Variants in CNTRL observed in about 807,000 individuals in gnomAD.
CNTRL encodes the protein 110 kDa centrosomal protein.
Under a neutral mutation model 303.7 loss-of-function variants are expected in CNTRL, and 233 were observed. The ratio of observed to expected loss-of-function variants is 0.77; its 90% confidence interval spans 0.69 to 0.86. CNTRL has a LOEUF of 0.86. Among genes scored for constraint, CNTRL ranks in the 40% least tolerant of loss-of-function variants. The pLI, the probability that CNTRL is intolerant of heterozygous loss-of-function variation, is 0.00. For missense variants in CNTRL, 2,524 were observed against 2,650.6 expected (o/e 0.95, Z 1.05); for synonymous variants, 900 against 922.2 (o/e 0.98, Z 0.44).
intron 1 of CNTRL, 52 bp downstream of exon 1, chr9:121,075,119 G>A (rs1588017417): frequency 2.8e-6 from 1 of 357,540 alleles, no homozygotes; most frequent in Admixed American, 3.6e-5. Context: ...CCCGAGCAGT[G>A]GGGGCCGGCG....
intron 2 of CNTRL, among the ~76,000 whole-genome samples, chr9:121,086,138 G>C (rs889589684): frequency 6.6e-6 from 1 of 152,060 alleles, no homozygotes; most frequent in Non-Finnish European, 1.5e-5. Flanking sequence ...ACGATGGAGA[G>C]GGATGACTGG....
intron 14 of CNTRL, among the ~76,000 whole-genome samples, chr9:121,126,729 A>C (rs1356013920): frequency 6.6e-6 from 1 of 151,992 alleles, no homozygotes; most frequent in African/African-American, 2.4e-5. Context: ...AATATATAGT[A>C]TTTTCCTTGA....
At position 121,154,936 on chromosome 9, in the gene CNTRL, G is replaced by A. The variant is rs753712547; in HGVS notation, c.4365+23G>A. On this transcript the variant is annotated intron_variant, in intron 27 of 43. Coordinates refer to ENST00000373855, the MANE Select transcript of CNTRL (RefSeq NM_007018.6). ...AAGGTTTGTCTTCTTGTGGTTTGGGGTGTGAGCTCAGTGTGGGTGAGTCAG... is the reference window on the plus strand; with the variant it reads ...AAGGTTTGTCTTCTTGTGGTTTGGGATGTGAGCTCAGTGTGGGTGAGTCAG... 5 of 1,607,400 alleles carry A rather than the reference G, an allele frequency of 3.1e-6. No homozygotes were observed. In the South Asian group the frequency reaches 5.5e-5, roughly 18 times the overall value.
chr9:121,097,624 G>A (rs2048945828), intron 6 of CNTRL, among the ~76,000 whole-genome samples: 3 of 152,162 alleles, frequency 2.0e-5, no homozygotes, highest in Non-Finnish European at 2.9e-5. Flanking sequence ...ATGTTGTACA[G>A]CATCACCTTG....
At chr9:121,144,433 C>G (rs148945630) in intron 20 of CNTRL, among the ~76,000 whole-genome samples, 1 of 152,240 alleles carries the variant, frequency 6.6e-6, no homozygotes, top group Non-Finnish European at 1.5e-5. Context: ...AATTTTTCAT[C>G]TCGTGCAGTC....
In CNTRL at chr9:121,152,643, G is replaced by A; in HGVS notation, c.4122G>A (p.Glu1374=). 3 of 1,614,006 alleles carry A rather than the reference G, an allele frequency of 1.9e-6. No individual in the cohort carries two copies. Among genetic ancestry groups the A allele is most frequent in the East Asian group, 4.5e-5 (2 of 44,876 alleles). The change falls in exon 26 of 44, where the codon GAG becomes GAA. Residue 1374 remains glutamate (E), a synonymous_variant. Transcript: ENST00000373855. ...DDLLQEKKSL[E]CEVEELHRTV... Reference sequence around the variant, plus strand: ...TTTTGCAAGAGAAGAAAAGCTTAGAGTGTGAAGTAGAAGAATTACATAGAA... The same window carrying A: ...TTTTGCAAGAGAAGAAAAGCTTAGAATGTGAAGTAGAAGAATTACATAGAA...
At chr9:121,119,916 T>G (rs543961169) in intron 12 of CNTRL, among the ~76,000 whole-genome samples, 1 of 152,320 alleles carries the variant, frequency 6.6e-6, no homozygotes, top group South Asian at 2.1e-4. Flanking sequence ...CTGTTTTGTT[T>G]TGTCCTTAAA....
chr9:121,124,612 T>C (rs1279651435), intron 13 of CNTRL, among the ~76,000 whole-genome samples: 1 of 152,038 alleles, frequency 6.6e-6, no homozygotes, highest in Non-Finnish European at 1.5e-5. Flanking sequence ...TGTTTTTATC[T>C]CAATCATTAG....
At chr9:121,114,213 G>A (rs778735218) in intron 10 of CNTRL, among the ~76,000 whole-genome samples, 4 of 152,162 alleles carry the variant, frequency 2.6e-5, no homozygotes, top group African/African-American at 4.8e-5. Flanking sequence ...ATACCTTCTG[G>A]CAAGTCACAT....
Position 121,135,978 on chromosome 9 carries a change from C to CT in CNTRL, c.2198_2199insT (p.Gln734ProfsTer12). The CT allele has an allele frequency of 2.5e-6, 4 of 1,601,614 alleles. No homozygotes were observed. Among genetic ancestry groups the CT allele is most frequent in the Non-Finnish European group, 3.4e-6 (4 of 1,170,832 alleles). On this transcript the variant is annotated frameshift_variant, in exon 15 of 44. Transcript: ENST00000373855. LOFTEE classifies it high-confidence loss of function. ...GAGTTGGAAAAAGTAACAAGACTTA[C>CT]CCAGGTAAGTAGGAGCATGAAGCCA...
Position 121,103,716 on chromosome 9 carries a change from T to C in CNTRL, c.809-4086T>C, listed in dbSNP as rs777355510. Among the ~76,000 whole-genome samples, 7 of 152,152 alleles carry C rather than the reference T, an allele frequency of 4.6e-5. No homozygotes were observed. In the Middle Eastern group the frequency reaches 0.014, roughly 296 times the overall value. On this transcript the variant is annotated intron_variant, in intron 7 of 43. Coordinates refer to ENST00000373855, the MANE Select transcript of CNTRL (RefSeq NM_007018.6). Reference sequence around the variant, plus strand: ...ATTTACAAGAAAAAAAGCAGCCCCATCAAAAAGTGGGCGAAGGATATGAAC... The same window carrying C: ...ATTTACAAGAAAAAAAGCAGCCCCACCAAAAAGTGGGCGAAGGATATGAAC...
rs557399690 is a variant in CNTRL, at chr9:121,092,057, C to T, written c.348+1652C>T. ...GTAATGCTAGAGTAGTGAAACACAACGGGCAAAATATATATATTTATATAT... is the reference window on the plus strand; with the variant it reads ...GTAATGCTAGAGTAGTGAAACACAATGGGCAAAATATATATATTTATATAT... On this transcript the variant is annotated intron_variant, in intron 4 of 43. Transcript: ENST00000373855. Among the ~76,000 whole-genome samples, 82 of 144,236 alleles carry T rather than the reference C, an allele frequency of 5.7e-4. No homozygotes were observed. The Middle Eastern group carries it at 0.011, about 19-fold the overall frequency. 94.6% of individuals were successfully genotyped at this position (144,236 alleles called of 152,430 possible).
chr9:121,159,594 C>T (rs1022099403), intron 31 of CNTRL, among the ~76,000 whole-genome samples: 18 of 151,616 alleles, frequency 1.2e-4, no homozygotes, highest in African/African-American at 3.9e-4. Flanking sequence ...GATTGCACCA[C>T]GGCACTCTTG....
chr9:121,162,926 G>A (rs887229952), intron 34 of CNTRL, among the ~76,000 whole-genome samples: 3 of 152,072 alleles, frequency 2.0e-5, no homozygotes, highest in Non-Finnish European at 2.9e-5. Context: ...AGATAAAAAG[G>A]CATCTTTTTC....
chr9:121,113,824 G>C, intron 10 of CNTRL, 100 bp downstream of exon 10: 1 of 682,374 alleles, frequency 1.5e-6, no homozygotes, highest in Non-Finnish European at 2.2e-6. Context: ...ACATGTTGAT[G>C]GTATTGTTTC....
chr9:121,078,311 G>A (rs1038152216), intron 1 of CNTRL, among the ~76,000 whole-genome samples: 2 of 152,102 alleles, frequency 1.3e-5, no homozygotes, highest in Non-Finnish European at 2.9e-5. Flanking sequence ...AGTAGGTTGG[G>A]GCGGGACAAT....
rs1243375629 is a variant in CNTRL at position 121,125,840 on chromosome 9, G to A, written c.1929G>A (p.Arg643=). The change falls in exon 14 of 44, where the codon CGG becomes CGA. Residue 643 remains arginine, a synonymous_variant. Transcript: ENST00000373855. ...CCCAGAATGAGTGCAGGAAGCTGCG[G>A]GATGAGAAAGAGACATTGTTGCAGA... ...TQAQNECRKL[R]DEKETLLQRL... is the part of the protein sequence containing the mutation. 1.9e-6 allele frequency: 3 copies of A among 1,614,228 alleles called. No individual in the cohort carries two copies. Among genetic ancestry groups the A allele is most frequent in the East Asian group, 4.5e-5 (2 of 44,888 alleles).
rs771530888 is a variant in CNTRL at position 121,088,468 on chromosome 9, T to C, written c.142T>C (p.Ser48Pro). Residue 48 changes from serine to proline, a missense_variant, in exon 3 of 44, where the codon TCT becomes CCT. Coordinates refer to ENST00000373855, the MANE Select transcript of CNTRL (RefSeq NM_007018.6). ...TGGATCAGAGACTCTACCTTTTCAT[T>C]CTGGAGGACAGTGGTGTGAGCAAGT... The part of the protein sequence containing the change: ...LIGSETLPFH[S>P]GGQWCEQVEI... The C allele has an allele frequency of 6.2e-7, 1 of 1,613,322 alleles. No individual in the cohort carries two copies. Among genetic ancestry groups the C allele is most frequent in the Non-Finnish European group, 8.5e-7 (1 of 1,179,316 alleles).
intron 26 of CNTRL, among the ~76,000 whole-genome samples, chr9:121,154,264 A>G (rs2052443185): frequency 6.6e-6 from 1 of 152,188 alleles, no homozygotes; most frequent in Non-Finnish European, 1.5e-5. Context: ...TGATGTGTCA[A>G]ATGTTGTCAC....
Sources: gnomAD v4.1 joint callset for allele counts (sites outside exome capture counted in the v4.1 genomes callset) on GRCh38, gnomAD v4.1.1 for gene constraint, MANE v1.5 for transcripts, NCBI Gene and HGNC (gene_info 2026-07-23, HGNC 2026-07-21) for gene names.